The following CCDC77 variants were observed in gnomAD, a reference collection of about 807,000 sequenced individuals.
CCDC77 encodes coiled-coil domain-containing protein 77.
Under a neutral mutation model 66.8 loss-of-function variants are expected in CCDC77, and 56 were observed. The ratio of observed to expected loss-of-function variants is 0.84; its 90% CI spans 0.68 to 1.05. The LOEUF (loss-of-function observed/expected upper bound fraction) is 1.05, where lower values mean the gene tolerates loss of function less well. Ranked by LOEUF, CCDC77 falls within the 50% of genes least tolerant of loss-of-function variation. The probability of loss-of-function intolerance (pLI) is 0.00; values close to 1 mark genes in which losing one functional copy is unlikely to be tolerated. For missense variants in CCDC77, 570 were observed against 576.8 expected (o/e 0.99, Z 0.12); for synonymous variants, 196 against 195.2 (o/e 1.00, Z -0.03).
chr12:397,550 G>A (rs1944844544), upstream of CCDC77, among the ~76,000 whole-genome samples: 1 of 151,962 alleles, frequency 6.6e-6, no homozygotes, highest in Non-Finnish European at 1.5e-5. Flanking sequence ...CGGTTTCCTG[G>A]TACATAAAAA....
chr12:400,209 G>T (rs180715198), upstream of CCDC77, among the ~76,000 whole-genome samples: 1 of 152,290 alleles, frequency 6.6e-6, no homozygotes, highest in African/African-American at 2.4e-5. Flanking sequence ...GAAGAGTTAG[G>T]ACTTTGCTCC....
chr12:412,886 G>A (rs184777569), intron 4 of CCDC77, among the ~76,000 whole-genome samples: 21 of 151,762 alleles, frequency 1.4e-4, no homozygotes, highest in African/African-American at 4.6e-4. Flanking sequence ...TCTGCACACC[G>A]TTACTCCATC....
intron 1 of CCDC77, among the ~76,000 whole-genome samples, chr12:390,565 A>G (rs982184877): frequency 6.6e-6 from 1 of 152,152 alleles, no homozygotes; most frequent in Non-Finnish European, 1.5e-5. Flanking sequence ...GAATAGAACA[A>G]AAGACTGACC....
chr12:428,743 G>A, intron 5 of CCDC77, 26 bp from the exon 6 acceptor site: 1 of 1,496,902 alleles, frequency 6.7e-7, no homozygotes, highest in Non-Finnish European at 9.2e-7. Context: ...TTAATAATAT[G>A]TGCTTGCTTT....
intron 2 of CCDC77, among the ~76,000 whole-genome samples, chr12:406,892 A>T (rs1161351054): frequency 6.6e-6 from 1 of 152,244 alleles, no homozygotes; most frequent in Non-Finnish European, 1.5e-5. Flanking sequence ...GGTTGCAGTG[A>T]GCCGAGATTG....
chr12:441,061 AG>A (rs1945849826), intron 12 of CCDC77, 65 bp downstream of exon 12: 1 of 1,534,628 alleles, frequency 6.5e-7, no homozygotes, highest in Non-Finnish European at 8.9e-7. Context: ...CATGGTCACG[AG>A]GGCCCCTGAA....
chr12:430,170 T>A (rs1391010768), intron 6 of CCDC77, among the ~76,000 whole-genome samples: 3 of 150,476 alleles, frequency 2.0e-5, no homozygotes, highest in African/African-American at 7.3e-5. Context: ...ATTTTGTATT[T>A]TTTATAGAGA....
chr12:434,211 G>A (rs1945705153), intron 9 of CCDC77, among the ~76,000 whole-genome samples: 1 of 151,796 alleles, frequency 6.6e-6, no homozygotes, highest in Admixed American at 6.6e-5. Context: ...AACAAAAAAT[G>A]GCAAACTCTG....
chr12:435,444 C>T (rs942022635), intron 9 of CCDC77, among the ~76,000 whole-genome samples: 2 of 152,244 alleles, frequency 1.3e-5, no homozygotes, highest in Non-Finnish European at 2.9e-5. Context: ...TCTTAACTTT[C>T]TTATTCCTTA....
intron 10 of CCDC77, among the ~76,000 whole-genome samples, chr12:439,266 TC>T (rs1945816376): frequency 6.6e-6 from 1 of 152,006 alleles, no homozygotes; most frequent in Non-Finnish European, 1.5e-5. Context: ...ACACCTGTAA[TC>T]CCAGCACTTT....
intron 9 of CCDC77, among the ~76,000 whole-genome samples, chr12:434,091 A>G (rs1330293818): frequency 6.6e-6 from 1 of 152,152 alleles, no homozygotes; most frequent in African/African-American, 2.4e-5. Context: ...CAAACTGTAA[A>G]GTGCTTCTGA....
At chr12:390,367 A>G (rs1944733974) in intron 1 of CCDC77, among the ~76,000 whole-genome samples, 1 of 152,088 alleles carries the variant, frequency 6.6e-6, no homozygotes, top group South Asian at 2.1e-4. Context: ...ATCTTTTTTA[A>G]TTGCTGATTT....
chr12:408,667 C>G (rs1004366906), intron 2 of CCDC77, among the ~76,000 whole-genome samples: 2 of 152,100 alleles, frequency 1.3e-5, no homozygotes, highest in Non-Finnish European at 2.9e-5. Flanking sequence ...GCACCTCGCT[C>G]TATGTACTGT....
upstream of CCDC77, among the ~76,000 whole-genome samples, chr12:399,440 G>C (rs1003281402): frequency 6.6e-6 from 1 of 152,178 alleles, no homozygotes; most frequent in African/African-American, 2.4e-5. Flanking sequence ...AAAGTGCTGG[G>C]ATTACAGATG....
At chr12:440,257 G>GTTA (rs1278080702) in intron 10 of CCDC77, among the ~76,000 whole-genome samples, 4 of 152,222 alleles carry the variant, frequency 2.6e-5, no homozygotes, top group Admixed American at 2.0e-4. Flanking sequence ...AATAGGGCAT[G>GTTA]TATAATAAGC....
rs1565569280 is a variant in CCDC77 at position 416,397 on chromosome 12, A to ATG, written c.271-2096_271-2095insGT. 3.6e-3 allele frequency among the ~76,000 whole-genome samples: 174 copies of ATG among 47,876 alleles called. 10 individuals are homozygous for ATG. Among genetic ancestry groups the ATG allele is most frequent in the African/African-American group, 9.9e-3 (124 of 12,526 alleles). 31.4% of individuals were successfully genotyped at this position (47,876 alleles called of 152,430 possible). A position where few individuals can be genotyped will look rare whatever the true frequency, so the allele number is the denominator to read the frequency against. On this transcript the variant is annotated intron_variant, in intron 4 of 12. Transcript: ENST00000239830. ...TGTGTGTATATATATATATATATAT[A>ATG]TATATATATATATATATATTTCTTT...
Position 407,261 on chromosome 12 carries a change from G to T in CCDC77, c.-17+1697G>T, listed in dbSNP as rs560178237. Among the ~76,000 whole-genome samples the T allele has an allele frequency of 2.0e-5, 3 of 152,340 alleles. No individual in the cohort carries two copies. The East Asian group carries it at 5.8e-4, about 29-fold the overall frequency. ...AGTAGGATTTGCTAATGGGTCGTGT[G>T]TGGCATGTAAGACAAAGAGAGGAGT... On this transcript the variant is annotated intron_variant, in intron 2 of 12. Transcript: ENST00000239830.
At chr12:390,471 T>A (rs1321265644) in intron 1 of CCDC77, among the ~76,000 whole-genome samples, 1 of 152,212 alleles carries the variant, frequency 6.6e-6, no homozygotes, top group Non-Finnish European at 1.5e-5. Context: ...TTTTCTCACC[T>A]CTGAGTAACA....
chr12:416,904 TCG>T (rs1945297539), intron 4 of CCDC77, among the ~76,000 whole-genome samples: 1 of 77,394 alleles, frequency 1.3e-5, no homozygotes, highest in East Asian at 1.1e-3. Flanking sequence ...GGTCAGGAGT[TCG>T]AGGCCGGCGG....
Sources: gnomAD v4.1 joint callset for allele counts (sites outside exome capture counted in the v4.1 genomes callset) on GRCh38, gnomAD v4.1.1 for gene constraint, MANE v1.5 for transcripts, NCBI Gene and HGNC (gene_info 2026-07-23, HGNC 2026-07-21) for gene names.